The following LOXHD1 variants were observed in gnomAD, a reference collection of about 807,000 sequenced individuals.
LOXHD1 encodes the protein lipoxygenase homology domain-containing protein 1.
In LOXHD1, 205 loss-of-function variants were observed where a neutral mutation model predicts 248.2. The observed-to-expected ratio is 0.83, with a 90% CI of 0.74 to 0.93. The LOEUF is 0.93. Ranked by LOEUF, LOXHD1 falls within the 40% of genes least tolerant of loss-of-function variation. The pLI is 0.00. For missense variants in LOXHD1, 2,930 were observed against 2,971.6 expected, an observed-to-expected ratio of 0.99 and a Z score of 0.33; for synonymous variants, 1,113 against 1,162.8, an observed-to-expected ratio of 0.96 and a Z score of 0.87.
At chr18:46,518,426 A>C (rs2035384810) in intron 33 of LOXHD1, among the ~76,000 whole-genome samples, 170 bp from the exon 34 acceptor site, 1 of 152,058 alleles carries the variant, frequency 6.6e-6, no homozygotes, top group Non-Finnish European at 1.5e-5. Context: ...CAGCCTTGTC[A>C]CTCTCTTATA....
In LOXHD1 at chr18:46,638,581, G is replaced by A. The variant is rs1000806373; in HGVS notation, c.511+1035C>T. ...CCAGGAGGCAGAGATCACAGTGAGC[G>A]AAGATTGTGCCATTTCACTTCAGCT... On this transcript the variant is annotated intron_variant, in intron 4 of 40. Coordinates refer to ENST00000642948, the MANE Select transcript of LOXHD1 (RefSeq NM_001384474.1). Among the ~76,000 whole-genome samples the A allele has an allele frequency of 3.9e-5, 6 of 152,124 alleles. No homozygotes were observed. The South Asian group carries it at 6.2e-4, about 16-fold the overall frequency.
intron 4 of LOXHD1, among the ~76,000 whole-genome samples, chr18:46,627,945 C>T (rs1773752853): frequency 1.3e-5 from 2 of 152,222 alleles, no homozygotes; most frequent in Admixed American, 1.3e-4. Flanking sequence ...CTCTAAGCTC[C>T]TAGAGAGAAG....
chr18:46,489,011 A>G lies in LOXHD1; in HGVS notation c.6010T>C (p.Cys2004Arg), dbSNP rs754242581. 3.0e-5 allele frequency: 47 copies of G among 1,551,728 alleles called. No individual in the cohort carries two copies. The Admixed American group carries it at 3.7e-4, about 12-fold the overall frequency. ...GDGQTVRDFA[C>R]ANNKICDELE... ...TCATCACAGATCTTGTTGTTGGCAC[A>G]GGCAAAGTCGCGGACCGTCTGCCCG... The change falls in exon 38 of 41, where the codon TGT becomes CGT. Residue 2004 changes from cysteine (C) to arginine (R), a missense_variant. Transcript: ENST00000642948.
chr18:46,656,130 C>T (rs2039178311), intron 1 of LOXHD1, among the ~76,000 whole-genome samples: 1 of 152,182 alleles, frequency 6.6e-6, no homozygotes, highest in African/African-American at 2.4e-5. Context: ...AGAGACTAGG[C>T]AGGCAGCACT....
chr18:46,603,382 T>C (rs1274269242), intron 7 of LOXHD1, among the ~76,000 whole-genome samples: 2 of 151,882 alleles, frequency 1.3e-5, no homozygotes, highest in Non-Finnish European at 2.9e-5. Flanking sequence ...ACTCTGTGGG[T>C]AGGATGAATG....
chr18:46,526,057 G>A (rs372471050), intron 29 of LOXHD1, among the ~76,000 whole-genome samples: 39 of 152,178 alleles, frequency 2.6e-4, no homozygotes, highest in African/African-American at 8.9e-4. Flanking sequence ...ATAGCAGCCA[G>A]TGGTGTGTGG....
intron 4 of LOXHD1, 144 bp from the exon 5 acceptor site, chr18:46,618,434 C>T (rs1568219314): frequency 3.2e-6 from 2 of 625,242 alleles, no homozygotes; most frequent in Admixed American, 2.7e-5. Context: ...GAGCAAAAAA[C>T]AAGTCAGTCC....
At chr18:46,484,884 C>T in intron 39 of LOXHD1, 135 bp downstream of exon 39, 1 of 1,099,366 alleles carries the variant, frequency 9.1e-7, no homozygotes, top group Non-Finnish European at 1.3e-6. Context: ...AGGATTGGCA[C>T]ACAGTAGGTG....
At chr18:46,491,968 T>C (rs968811132) in intron 37 of LOXHD1, among the ~76,000 whole-genome samples, 2 of 152,214 alleles carry the variant, frequency 1.3e-5, no homozygotes, top group African/African-American at 2.4e-5. Flanking sequence ...AATTTTCAAA[T>C]TAGAATTCCT....
chr18:46,655,947 T>C (rs917908412), intron 1 of LOXHD1, among the ~76,000 whole-genome samples: 23 of 151,640 alleles, frequency 1.5e-4, no homozygotes, highest in Non-Finnish European at 7.4e-5. Flanking sequence ...GCTTTCAGAG[T>C]GAGGACAGGA....
At chr18:46,568,169 C>T (rs2037680888) in intron 16 of LOXHD1, among the ~76,000 whole-genome samples, 4 of 152,220 alleles carry the variant, frequency 2.6e-5, no homozygotes, top group South Asian at 4.1e-4. Context: ...GGGTGGGACT[C>T]CCAGAGAGGG....
chr18:46,603,449 T>G (rs1478055720), intron 7 of LOXHD1, among the ~76,000 whole-genome samples: 1 of 152,136 alleles, frequency 6.6e-6, no homozygotes, highest in Non-Finnish European at 1.5e-5. Context: ...TTTTCTCCCA[T>G]GGTGAGTCAT....
chr18:46,495,705 A>G (rs558798213), intron 37 of LOXHD1, among the ~76,000 whole-genome samples: 21 of 152,332 alleles, frequency 1.4e-4, no homozygotes, highest in African/African-American at 5.1e-4. Flanking sequence ...CAATATTAAG[A>G]AAATTTACAT....
intron 13 of LOXHD1, among the ~76,000 whole-genome samples, chr18:46,578,621 G>A (rs1008869380): frequency 6.6e-6 from 1 of 152,188 alleles, no homozygotes; most frequent in Admixed American, 6.5e-5. Flanking sequence ...CTCAGAGAGA[G>A]GCCTTCACTG....
At chr18:46,632,898 T>C (rs2038845257) in intron 4 of LOXHD1, among the ~76,000 whole-genome samples, 1 of 152,112 alleles carries the variant, frequency 6.6e-6, no homozygotes, top group Admixed American at 6.5e-5. Context: ...AACCATTCCA[T>C]TGACAGGTTG....
intron 4 of LOXHD1, among the ~76,000 whole-genome samples, chr18:46,626,685 A>G (rs979964247): frequency 2.0e-5 from 3 of 152,252 alleles, no homozygotes; most frequent in African/African-American, 7.2e-5. Context: ...CAAAAATTTA[A>G]AGAATGGGAA....
intron 5 of LOXHD1, among the ~76,000 whole-genome samples, chr18:46,612,704 C>T (rs1045449010): frequency 6.6e-6 from 1 of 152,066 alleles, no homozygotes; most frequent in African/African-American, 2.4e-5. Context: ...AAAGATACTC[C>T]TTTAGAGTTT....
chr18:46,644,977 G>T (rs757253323), intron 2 of LOXHD1, among the ~76,000 whole-genome samples: 2 of 152,152 alleles, frequency 1.3e-5, no homozygotes, highest in Admixed American at 6.5e-5. Flanking sequence ...TCTGGGTTCC[G>T]CAGTGCTTAT....
At chr18:46,510,749 T>C (rs985757239) in intron 34 of LOXHD1, among the ~76,000 whole-genome samples, 7 of 152,146 alleles carry the variant, frequency 4.6e-5, no homozygotes, top group African/African-American at 1.7e-4. Flanking sequence ...GTCTTAAAGG[T>C]GGTGGTGAAA....
Sources: allele counts gnomAD v4.1 joint callset (sites outside exome capture counted in the v4.1 genomes callset), GRCh38; gene constraint gnomAD v4.1.1; transcripts MANE v1.5; gene names NCBI Gene and HGNC (gene_info 2026-07-23, HGNC 2026-07-21).